The following ZFP69 variants were observed in gnomAD, a reference collection of about 807,000 sequenced individuals.
ZFP69 encodes the protein ZFP69 zinc finger protein.
A neutral mutation model predicts 48.9 loss-of-function variants in ZFP69; 35 were observed. The ratio of observed to expected loss-of-function variants is 0.72; its 90% CI spans 0.55 to 0.95. The LOEUF is 0.95. ZFP69 is among the 40% of genes least tolerant of loss of function. The pLI, the probability that ZFP69 is intolerant of heterozygous loss-of-function variation, is 0.00. For missense variants in ZFP69, 557 were observed against 638.4 expected (o/e 0.87, Z 1.37); for synonymous variants, 193 against 216.8 (o/e 0.89, Z 0.96).
At chr1:40,482,539 G>A (rs962614238) in intron 3 of ZFP69, among the ~76,000 whole-genome samples, 3 of 152,184 alleles carry the variant, frequency 2.0e-5, no homozygotes, top group African/African-American at 7.2e-5. Flanking sequence ...GGTTTGAAGT[G>A]AAATGAACTG....
chr1:40,484,007 C>T (rs1186624357), intron 3 of ZFP69, among the ~76,000 whole-genome samples: 8 of 151,890 alleles, frequency 5.3e-5, no homozygotes, highest in Admixed American at 6.6e-5. Flanking sequence ...ACCCGGGAGG[C>T]GGAGGTTGCA....
intron 3 of ZFP69, among the ~76,000 whole-genome samples, chr1:40,488,839 T>C (rs1249916665): frequency 1.3e-5 from 2 of 152,150 alleles, no homozygotes; most frequent in Non-Finnish European, 2.9e-5. Flanking sequence ...TTCTAAGGTA[T>C]GTATCACCAT....
At chr1:40,480,304 C>T (rs1454776623) in intron 2 of ZFP69, among the ~76,000 whole-genome samples, 3 of 148,208 alleles carry the variant, frequency 2.0e-5, no homozygotes, top group African/African-American at 7.5e-5. Flanking sequence ...CTCGCTGTGT[C>T]GCCCAGGCTG....
At position 40,495,411 on chromosome 1, in the gene ZFP69, T is replaced by C; in HGVS notation, c.933T>C (p.Ser311=). ...CKECGRAFSQ[S]ASLSTHQRIH... Reference sequence around the variant, plus strand: ...AATGTGGAAGGGCCTTTAGTCAAAGTGCATCCCTCAGTACACACCAGAGAA... The same window carrying C: ...AATGTGGAAGGGCCTTTAGTCAAAGCGCATCCCTCAGTACACACCAGAGAA... The change falls in exon 6 of 6, where the codon AGT becomes AGC. Residue 311 remains serine, a synonymous_variant. Transcript: ENST00000372706. The C allele has an allele frequency of 6.2e-7, 1 of 1,614,148 alleles. No individual in the cohort carries two copies. The highest frequency in any genetic ancestry group is 8.5e-7 in the Non-Finnish European group (1 of 1,180,020).
At chr1:40,483,671 G>A (rs1209800279) in intron 3 of ZFP69, among the ~76,000 whole-genome samples, 2 of 152,142 alleles carry the variant, frequency 1.3e-5, no homozygotes, top group Admixed American at 1.3e-4. Context: ...TAACTCTTCA[G>A]ACTATTATCG....
Position 40,495,955 on chromosome 1 carries a change from A to G in ZFP69, c.1477A>G (p.Lys493Glu), listed in dbSNP as rs767243679. The G allele has an allele frequency of 3.7e-6, 6 of 1,614,226 alleles. No individual in the cohort carries two copies. Among genetic ancestry groups the G allele is most frequent in the East Asian group, 4.5e-5 (2 of 44,880 alleles). ...KKHQRHHTGE[K>E]PYECNECGKA... ...ACATCAGAGACATCACACTGGAGAA[A>G]AACCTTACGAATGTAACGAATGTGG... Residue 493 changes from lysine (K) to glutamate (E), a missense_variant, in exon 6 of 6, where the codon AAA becomes GAA. Transcript: ENST00000372706.
Position 40,495,896 on chromosome 1 carries a change from GA to G in ZFP69, c.1422del (p.Ala475ProfsTer59), listed in dbSNP as rs1645628721. ...GVKAYECNRC[G>X]KAYRHDSSFK... ...AAAGCATATGAATGCAACCGCTGTGGAAAAGCCTATAGGCATGATTCATCCT... is the reference window on the plus strand; with the variant it reads ...AAAGCATATGAATGCAACCGCTGTGGAAAGCCTATAGGCATGATTCATCCT... On this transcript the variant is annotated frameshift_variant, in exon 6 of 6. Coordinates refer to ENST00000372706, the MANE Select transcript of ZFP69 (RefSeq NM_001320179.2). LOFTEE classifies it high-confidence loss of function. 1 of 1,614,044 alleles carries G rather than the reference GA, an allele frequency of 6.2e-7. No homozygotes were observed. Among genetic ancestry groups the G allele is most frequent in the African/African-American group, 1.3e-5 (1 of 74,930 alleles).
At chr1:40,484,248 G>A (rs2124444659) in intron 3 of ZFP69, among the ~76,000 whole-genome samples, 1 of 152,110 alleles carries the variant, frequency 6.6e-6, no homozygotes, top group East Asian at 1.9e-4. Context: ...CACCCAGGCT[G>A]GACTGCAGTG....
rs888954137 is a variant in ZFP69 at position 40,489,083 on chromosome 1, T to G, written c.220-5T>G. On this transcript the variant is annotated splice_polypyrimidine_tract_variant and splice_region_variant and intron_variant, in intron 3 of 5. Transcript: ENST00000372706. ...GGCTAAAAATGAATGTATTTGATGT[T>G]CTAGGAATTGTTGACTTTCAAGGAC... The G allele has an allele frequency of 2.5e-6, 4 of 1,613,886 alleles. No homozygotes were observed. In the African/African-American group the frequency reaches 5.3e-5, roughly 22 times the overall value.
intron 2 of ZFP69, among the ~76,000 whole-genome samples, chr1:40,479,978 A>G (rs1253245388): frequency 1.3e-5 from 2 of 152,138 alleles, no homozygotes; most frequent in Non-Finnish European, 2.9e-5. Context: ...ATCACACCTT[A>G]TTTAGTGGTC....
Position 40,494,966 on chromosome 1 carries a change from C to T in ZFP69, c.488C>T (p.Thr163Ile). The T allele has an allele frequency of 6.2e-7, 1 of 1,613,552 alleles. No individual in the cohort carries two copies. Residue 163 changes from threonine to isoleucine, a missense_variant, in exon 6 of 6, where the codon ACC (threonine) becomes ATC (isoleucine). By Grantham distance (89) the Thr-to-Ile change is moderately conservative (BLOSUM62 -1). Coordinates refer to ENST00000372706, the MANE Select transcript of ZFP69 (RefSeq NM_001320179.2). ...IETIESTAKS[T>I]ISQERLYHGI... is the part of the protein sequence containing the mutation. The stretch of plus-strand genomic sequence containing the variant: ...ACCATTGAGTCAACTGCAAAGAGTA[C>T]CATTTCACAGGAGCGCTTATATCAT...
rs866302334 is a variant in ZFP69, at chr1:40,478,341, T to C, written c.-327+447T>C. ...TGTTTCCAAATTTGCCTATTACTAT[T>C]CTGCAGTAGTCCTCATTATACTAAA... On this transcript the variant is annotated intron_variant, in intron 1 of 5. Transcript: ENST00000372706. Among the ~76,000 whole-genome samples the C allele has an allele frequency of 2.0e-5, 3 of 152,264 alleles. No homozygotes were observed. The South Asian group carries it at 6.2e-4, about 32-fold the overall frequency.
Position 40,477,330 on chromosome 1 carries a change from G to T in ZFP69, c.-891G>T, listed in dbSNP as rs1018205456. On this transcript the variant is annotated 5_prime_UTR_variant, in exon 1 of 6. Coordinates refer to ENST00000372706, the MANE Select transcript of ZFP69 (RefSeq NM_001320179.2). The surrounding 1 kb of genome is among the most constrained non-coding windows in gnomAD (Gnocchi z 4.0). ...CGCGCGGGTTGTGGCAGCTGCAGCG[G>T]GACCGCGTGGGGTGGGCCCCGGGAC... is the stretch of plus-strand genomic sequence containing the variant. 2 of 152,120 alleles carry T rather than the reference G, an allele frequency of 1.3e-5. No individual in the cohort carries two copies. Among genetic ancestry groups the T allele is most frequent in the Non-Finnish European group, 1.5e-5 (1 of 68,012 alleles). The allele number at this position is 152,120 out of a possible 1,614,324, so 9.4% of individuals were successfully genotyped here.
At position 40,481,797 on chromosome 1, in the gene ZFP69, C is replaced by G. The variant is rs1216816628; in HGVS notation, c.162C>G (p.Thr54=). 7 of 1,612,152 alleles carry G rather than the reference C, an allele frequency of 4.3e-6. No homozygotes were observed. In the South Asian group the frequency reaches 7.7e-5, roughly 18 times the overall value. The stretch of plus-strand genomic sequence containing the variant: ...CTCAGGATGCTGAGGACGTAAAGAC[C>G]CAGAGAGAAAGTTTAGAGGATGAAG... ...LLSQDAEDVK[T]QRESLEDEVT... The change falls in exon 3 of 6, where the codon ACC becomes ACG. Residue 54 remains threonine, a synonymous_variant. Transcript: ENST00000372706.
intron 5 of ZFP69, among the ~76,000 whole-genome samples, chr1:40,489,989 C>T (rs1399139315): frequency 1.3e-5 from 2 of 151,610 alleles, no homozygotes; most frequent in Non-Finnish European, 2.9e-5. Flanking sequence ...CCTGCCTCAG[C>T]CTCCCGAGTA....
intron 5 of ZFP69, among the ~76,000 whole-genome samples, chr1:40,494,290 A>T (rs993362782): frequency 3.6e-5 from 3 of 82,964 alleles, no homozygotes; most frequent in Non-Finnish European, 6.5e-5. Flanking sequence ...TTTTTTTGAG[A>T]CGGAGTCTCG....
rs1645421748 is a variant in ZFP69 at position 40,479,406 on chromosome 1, C to T, written c.45C>T (p.Thr15=). The T allele has an allele frequency of 1.2e-6, 2 of 1,614,130 alleles. No individual in the cohort carries two copies. Among genetic ancestry groups the T allele is most frequent in the Non-Finnish European group, 1.7e-6 (2 of 1,179,996 alleles). ...LLITLPTEAS[T]WVKLQHPKKA... is the part of the protein sequence containing the mutation. ...TCACCCTGCCTACCGAGGCCAGCAC[C>T]TGGGTGAAGCTGCAACATCCAAAGA... Residue 15 remains threonine, a synonymous_variant, in exon 2 of 6, where the codon ACC becomes ACT. Coordinates refer to ENST00000372706, the MANE Select transcript of ZFP69 (RefSeq NM_001320179.2).
rs767610239 is a variant in ZFP69, at chr1:40,495,625, T to C, written c.1147T>C (p.Phe383Leu). The C allele has an allele frequency of 4.3e-6, 7 of 1,614,112 alleles. No homozygotes were observed. Residue 383 changes from phenylalanine to leucine, a missense_variant, in exon 6 of 6, where the codon TTT becomes CTT. Coordinates refer to ENST00000372706, the MANE Select transcript of ZFP69 (RefSeq NM_001320179.2). ...GAGGACTCATTCTGGAGAGAAACCT[T>C]TTACTTGCAATGAATGTGGGAAAAC... ...HLRTHSGEKP[F>L]TCNECGKTFR...
intron 3 of ZFP69, among the ~76,000 whole-genome samples, chr1:40,486,308 A>G (rs1312003383): frequency 1.3e-5 from 2 of 151,742 alleles, no homozygotes; most frequent in Non-Finnish European, 2.9e-5. Context: ...AGTTTGGAAA[A>G]TCTTCAGCCA....
Sources: gnomAD v4.1 joint callset for allele counts (sites outside exome capture counted in the v4.1 genomes callset) on GRCh38, gnomAD v4.1.1 for gene constraint, Gnocchi (gnomAD v3.1) non-coding constraint, MANE v1.5 for transcripts, NCBI Gene and HGNC (gene_info 2026-07-23, HGNC 2026-07-21) for gene names.